NKAIN3: variants seen among roughly 807,000 people sequenced by gnomAD.
The protein encoded by NKAIN3 is sodium/potassium transporting ATPase interacting 3.
In NKAIN3, 25 loss-of-function variants were observed where a neutral mutation model predicts 30.2. The observed-to-expected ratio is 0.83, with a 90% confidence interval of 0.60 to 1.16. The LOEUF (loss-of-function observed/expected upper bound fraction) is 1.16. Ranked by LOEUF, NKAIN3 falls within the 50% of genes most tolerant of loss-of-function variation. The pLI, the probability that NKAIN3 is intolerant of heterozygous loss-of-function variation, is 0.00. For synonymous variants in NKAIN3, 91 were observed against 89.6 expected, an observed-to-expected ratio of 1.02 and a Z score of -0.09; for missense variants, 225 against 254.1, an observed-to-expected ratio of 0.89 and a Z score of 0.78.
intron 3 of NKAIN3, among the ~76,000 whole-genome samples, chr8:62,650,956 A>G (rs1812603383): frequency 6.6e-6 from 1 of 152,126 alleles, no homozygotes; most frequent in Non-Finnish European, 1.5e-5. Context: ...ATAAATTTCT[A>G]TTGCAAGACT....
At chr8:62,773,760 AT>A (rs1445494985) in intron 4 of NKAIN3, among the ~76,000 whole-genome samples, 2 of 152,054 alleles carry the variant, frequency 1.3e-5, no homozygotes, top group African/African-American at 2.4e-5. Context: ...TTCCACCATG[AT>A]TGTGAGGCCT....
chr8:62,769,875 A>G (rs1224096072), intron 4 of NKAIN3, among the ~76,000 whole-genome samples: 2 of 152,176 alleles, frequency 1.3e-5, no homozygotes, highest in African/African-American at 4.8e-5. Flanking sequence ...CTTCTATCCT[A>G]GAATATGTAG....
chr8:62,315,629 A>G (rs1814595318), intron 1 of NKAIN3, among the ~76,000 whole-genome samples: 1 of 152,176 alleles, frequency 6.6e-6, no homozygotes, highest in South Asian at 2.1e-4. Context: ...TAGTGCACCA[A>G]TGTAGTGTAC....
At chr8:62,744,070 A>G (rs1199468827) in intron 3 of NKAIN3, among the ~76,000 whole-genome samples, 1 of 152,194 alleles carries the variant, frequency 6.6e-6, no homozygotes, top group East Asian at 1.9e-4. Context: ...GGGAAGAGGA[A>G]TACTAATTTC....
intron 1 of NKAIN3, among the ~76,000 whole-genome samples, chr8:62,364,828 CAA>C (rs58784999): frequency 7.8e-5 from 5 of 63,760 alleles, no homozygotes; most frequent in African/African-American, 1.4e-4. Flanking sequence ...GACTCCACTA[CAA>C]AAAAAAAAAA....
chr8:62,539,365 A>G (rs1808768225), intron 1 of NKAIN3, among the ~76,000 whole-genome samples: 2 of 152,210 alleles, frequency 1.3e-5, no homozygotes, highest in African/African-American at 4.8e-5. Flanking sequence ...TGAAACATCC[A>G]AAAAGTCCAT....
chr8:62,623,567 T>C (rs10216664), intron 3 of NKAIN3, among the ~76,000 whole-genome samples: 73,097 of 151,818 alleles, frequency 0.48, 20,664 homozygotes, highest in African/African-American at 0.79. Context: ...TTTGTTTTAC[T>C]CACTTATCCT....
intron 5 of NKAIN3, among the ~76,000 whole-genome samples, chr8:62,949,770 C>A (rs1823232524): frequency 6.6e-6 from 1 of 151,542 alleles, no homozygotes; most frequent in Admixed American, 6.6e-5. Flanking sequence ...ATCTAATAAT[C>A]AAAGTACATG....
At chr8:62,814,880 T>C (rs1011898244) in intron 4 of NKAIN3, among the ~76,000 whole-genome samples, 1 of 151,782 alleles carries the variant, frequency 6.6e-6, no homozygotes, top group Non-Finnish European at 1.5e-5. Context: ...ATAACTAAAA[T>C]CAGAGCAGAA....
At chr8:62,887,851 A>G (rs1379759001) in intron 4 of NKAIN3, among the ~76,000 whole-genome samples, 3 of 152,132 alleles carry the variant, frequency 2.0e-5, no homozygotes, top group African/African-American at 7.2e-5. Flanking sequence ...TATTCCAGTA[A>G]TTCCAACATT....
intron 4 of NKAIN3, among the ~76,000 whole-genome samples, chr8:62,913,233 A>G (rs945749986): frequency 1.3e-5 from 2 of 152,180 alleles, no homozygotes; most frequent in Non-Finnish European, 2.9e-5. Context: ...ATCATTGTTT[A>G]CTATCAATAT....
chr8:62,959,301 A>G (rs1226123625), intron 6 of NKAIN3, among the ~76,000 whole-genome samples: 1 of 152,172 alleles, frequency 6.6e-6, no homozygotes, highest in Non-Finnish European at 1.5e-5. Flanking sequence ...GGACAGATGC[A>G]GAGGTGGTCA....
At chr8:62,752,455 C>G (rs567403664) in intron 4 of NKAIN3, among the ~76,000 whole-genome samples, 2 of 152,130 alleles carry the variant, frequency 1.3e-5, no homozygotes, top group Non-Finnish European at 2.9e-5. Context: ...TCATAGGACA[C>G]GGCAATCATA....
At chr8:62,405,636 A>T (rs925701375) in intron 1 of NKAIN3, among the ~76,000 whole-genome samples, 2 of 152,128 alleles carry the variant, frequency 1.3e-5, no homozygotes, top group Non-Finnish European at 2.9e-5. Flanking sequence ...GCTGGGTGGT[A>T]GTGGTGTGGG....
At chr8:62,797,475 G>A (rs999903625) in intron 4 of NKAIN3, among the ~76,000 whole-genome samples, 3 of 152,158 alleles carry the variant, frequency 2.0e-5, no homozygotes, top group Admixed American at 2.0e-4. Context: ...TGAGATGAAC[G>A]ATGCAAAATG....
chr8:62,818,139 G>T (rs567165693), intron 4 of NKAIN3, among the ~76,000 whole-genome samples: 8 of 152,218 alleles, frequency 5.3e-5, no homozygotes, highest in African/African-American at 1.9e-4. Context: ...TAATGTAAAA[G>T]CTGGAGAAAA....
intron 1 of NKAIN3, among the ~76,000 whole-genome samples, chr8:62,413,133 G>C (rs74205131): frequency 0.09 from 13,717 of 152,130 alleles, 808 homozygotes; most frequent in African/African-American, 0.15. Flanking sequence ...TCATTAAAAA[G>C]TCAAAACCGA....
chr8:62,700,754 T>C (rs1419428381), intron 3 of NKAIN3, among the ~76,000 whole-genome samples: 1 of 152,248 alleles, frequency 6.6e-6, no homozygotes, highest in African/African-American at 2.4e-5. Context: ...TTAACTGTTT[T>C]GTGTTGTCTA....
chr8:62,568,810 G>A (rs1380297995), intron 1 of NKAIN3, among the ~76,000 whole-genome samples: 1 of 152,072 alleles, frequency 6.6e-6, no homozygotes, highest in African/African-American at 2.4e-5. Context: ...GAGATATAGG[G>A]ACTAAAACAC....
Sources: gnomAD v4.1 joint callset for allele counts (sites outside exome capture counted in the v4.1 genomes callset) on GRCh38, gnomAD v4.1.1 for gene constraint, MANE v1.5 for transcripts, NCBI Gene and HGNC (gene_info 2026-07-23, HGNC 2026-07-21) for gene names.